Variants in ARHGAP15 observed in about 807,000 individuals in gnomAD.
ARHGAP15 encodes rho GTPase-activating protein 15.
A neutral mutation model predicts 63.7 loss-of-function variants in ARHGAP15; 51 were observed. The ratio of observed to expected loss-of-function variants is 0.80; its 90% CI spans 0.64 to 1.01. The LOEUF is 1.01. Among genes scored for constraint, ARHGAP15 ranks in the 50% least tolerant of loss-of-function variants. ARHGAP15 has a pLI of 0.00. For missense variants in ARHGAP15, 560 were observed against 564.6 expected (o/e 0.99, Z 0.08); for synonymous variants, 191 against 193.8 (o/e 0.99, Z 0.12).
chr2:143,742,385 C>G (rs913543163), intron 13 of ARHGAP15, among the ~76,000 whole-genome samples: 5 of 152,158 alleles, frequency 3.3e-5, no homozygotes, highest in African/African-American at 9.7e-5. Flanking sequence ...TGTGGAAGAC[C>G]GTGCAACGCC....
At chr2:143,383,708 A>C (rs968691831) in intron 6 of ARHGAP15, among the ~76,000 whole-genome samples, 1 of 152,190 alleles carries the variant, frequency 6.6e-6, no homozygotes, top group African/African-American at 2.4e-5. Context: ...TGTTCAGTCA[A>C]AACCAGTAAT....
At chr2:143,330,133 CAAAAACA>C (rs1684476152) in intron 6 of ARHGAP15, among the ~76,000 whole-genome samples, 1 of 37,358 alleles carries the variant, frequency 2.7e-5, no homozygotes, top group Non-Finnish European at 5.2e-5. Flanking sequence ...AAAAAAAAAC[CAAAAACA>C]AAAAACTAAA....
chr2:143,740,053 T>C (rs1685902934), intron 13 of ARHGAP15, among the ~76,000 whole-genome samples: 1 of 152,148 alleles, frequency 6.6e-6, no homozygotes, highest in South Asian at 2.1e-4. Flanking sequence ...TCTTTTTTTC[T>C]AGCTGTGTTT....
chr2:143,352,786 GC>G (rs922868952), intron 6 of ARHGAP15, among the ~76,000 whole-genome samples: 1 of 152,130 alleles, frequency 6.6e-6, no homozygotes, highest in Non-Finnish European at 1.5e-5. Context: ...AAAGGCATAG[GC>G]AGATTATTTC....
chr2:143,531,907 A>G (rs1202767475), intron 10 of ARHGAP15, among the ~76,000 whole-genome samples: 1 of 152,226 alleles, frequency 6.6e-6, no homozygotes, highest in African/African-American at 2.4e-5. Flanking sequence ...ATGTGGATGG[A>G]TTAGTATAAA....
intron 2 of ARHGAP15, among the ~76,000 whole-genome samples, chr2:143,174,647 G>A (rs917242095): frequency 2.0e-5 from 3 of 152,060 alleles, no homozygotes; most frequent in Non-Finnish European, 4.4e-5. Flanking sequence ...GAACTGAGAT[G>A]AGTTATGAAT....
At chr2:143,724,998 T>A (rs1014826389) in intron 13 of ARHGAP15, among the ~76,000 whole-genome samples, 1 of 152,194 alleles carries the variant, frequency 6.6e-6, no homozygotes, top group Non-Finnish European at 1.5e-5. Context: ...TAACTCAAGT[T>A]CCTCAGGAGA....
At chr2:143,229,960 T>G (rs1693375237) in intron 5 of ARHGAP15, among the ~76,000 whole-genome samples, 1 of 152,218 alleles carries the variant, frequency 6.6e-6, no homozygotes, top group Admixed American at 6.5e-5. Flanking sequence ...CCTTTGTATT[T>G]TTAATTTAAA....
rs192594406 is a variant in ARHGAP15, at chr2:143,686,151, G to A, written c.1139-17268G>A. On this transcript the variant is annotated intron_variant, in intron 12 of 13. Coordinates refer to ENST00000295095, the MANE Select transcript of ARHGAP15 (RefSeq NM_018460.4). ...GGGCCTGGCGCGGTAGCTCACGCCT[G>A]TAATCCCAGCATTTTGGGAGGCCGA... Among the ~76,000 whole-genome samples, 316 of 152,182 alleles carry A rather than the reference G, an allele frequency of 2.1e-3. 3 individuals carry two copies. Among genetic ancestry groups the A allele is most frequent in the African/African-American group, 7.3e-3 (304 of 41,526 alleles).
At chr2:143,591,673 T>C (rs1247009317) in intron 11 of ARHGAP15, among the ~76,000 whole-genome samples, 1 of 150,582 alleles carries the variant, frequency 6.6e-6, no homozygotes. Context: ...CAGGCTGGAG[T>C]GCAATGGCAC....
intron 1 of ARHGAP15, among the ~76,000 whole-genome samples, chr2:143,134,609 A>G (rs1195292229): frequency 1.3e-5 from 2 of 151,470 alleles, no homozygotes; most frequent in East Asian, 3.9e-4. Flanking sequence ...GAGATAGCAT[A>G]TATGAAATGC....
intron 6 of ARHGAP15, among the ~76,000 whole-genome samples, chr2:143,376,308 T>C (rs1191318049): frequency 6.6e-6 from 1 of 152,228 alleles, no homozygotes; most frequent in East Asian, 1.9e-4. Context: ...ATGTAATTTG[T>C]ATGATATTAA....
chr2:143,677,788 A>G (rs1234686793), intron 12 of ARHGAP15, among the ~76,000 whole-genome samples: 1 of 152,246 alleles, frequency 6.6e-6, no homozygotes, highest in African/African-American at 2.4e-5. Context: ...TCAAAGATAC[A>G]TAATATGTAG....
chr2:143,500,107 ACTTAATAT>A (rs1270744708), intron 9 of ARHGAP15, among the ~76,000 whole-genome samples: 1 of 151,840 alleles, frequency 6.6e-6, no homozygotes, highest in Non-Finnish European at 1.5e-5. Flanking sequence ...CCCTTTTTCA[ACTTAATAT>A]CTTTCTAAGA....
At chr2:143,626,501 C>A (rs560680366) in intron 12 of ARHGAP15, among the ~76,000 whole-genome samples, 421 of 152,146 alleles carry the variant, frequency 2.8e-3, no homozygotes, top group Non-Finnish European at 4.6e-3. Flanking sequence ...TGAGTGGTAG[C>A]AAGGTTTATT....
chr2:143,525,327 A>C (rs1694221734), intron 10 of ARHGAP15, among the ~76,000 whole-genome samples: 1 of 150,756 alleles, frequency 6.6e-6, no homozygotes, highest in East Asian at 2.0e-4. Flanking sequence ...TAACAAAAAC[A>C]AAACAAACTG....
At chr2:143,730,400 ATTTC>A (rs35094846) in intron 13 of ARHGAP15, among the ~76,000 whole-genome samples, 41,701 of 151,948 alleles carry the variant, frequency 0.27, 7,059 homozygotes, top group Middle Eastern at 0.39. Context: ...AGTATGCAAT[ATTTC>A]TTTGTCTTTC....
chr2:143,735,782 T>C (rs1685721900), intron 13 of ARHGAP15, among the ~76,000 whole-genome samples: 1 of 152,150 alleles, frequency 6.6e-6, no homozygotes, highest in African/African-American at 2.4e-5. Context: ...TTATCCACAG[T>C]AGTAAAGTAT....
At chr2:143,453,005 C>T (rs965851114) in intron 8 of ARHGAP15, among the ~76,000 whole-genome samples, 2 of 151,852 alleles carry the variant, frequency 1.3e-5, no homozygotes, top group Non-Finnish European at 2.9e-5. Context: ...TCCCATACCA[C>T]GGAAGCATGG....
Sources: allele counts gnomAD v4.1 joint callset (sites outside exome capture counted in the v4.1 genomes callset), GRCh38; gene constraint gnomAD v4.1.1; transcripts MANE v1.5; gene names NCBI Gene and HGNC (gene_info 2026-07-23, HGNC 2026-07-21).